Variants in FGF14 observed in about 807,000 individuals in gnomAD.
FGF14 encodes fibroblast growth factor homologous factor 4.
A neutral mutation model predicts 25.5 loss-of-function variants in FGF14; 5 were observed. That is an observed-to-expected ratio of 0.20 (90% confidence interval 0.10 to 0.41). The LOEUF (loss-of-function observed/expected upper bound fraction) is 0.41, where lower values mean the gene tolerates loss of function less well. FGF14 is among the 10% of genes least tolerant of loss of function. FGF14 has a pLI of 1.00. For synonymous variants in FGF14, 138 were observed against 118.3 expected (o/e 1.17, Z -1.08); for missense variants, 222 against 320.1 (o/e 0.69, Z 2.34).
chr13:102,121,640 C>A (rs1198604655), intron 1 of FGF14, among the ~76,000 whole-genome samples: 1 of 152,160 alleles, frequency 6.6e-6, no homozygotes, highest in Non-Finnish European at 1.5e-5. Context: ...AATTTATACA[C>A]CCTTGTATTT....
At chr13:102,148,046 A>G (rs2046925840) in intron 1 of FGF14, among the ~76,000 whole-genome samples, 1 of 152,166 alleles carries the variant, frequency 6.6e-6, no homozygotes, top group African/African-American at 2.4e-5. Flanking sequence ...AATAAATCTG[A>G]ATTAAAATGT....
chr13:101,884,233 C>T (rs954021722), intron 1 of FGF14, among the ~76,000 whole-genome samples: 1 of 151,980 alleles, frequency 6.6e-6, no homozygotes, highest in African/African-American at 2.4e-5. Flanking sequence ...GTGGACATCC[C>T]AGTGTTCTCA....
At chr13:101,775,269 C>T (rs1411569819) in intron 3 of FGF14, among the ~76,000 whole-genome samples, 1 of 152,118 alleles carries the variant, frequency 6.6e-6, no homozygotes, top group African/African-American at 2.4e-5. Context: ...CATTTTGGCA[C>T]TTCTGTGAAC....
chr13:101,841,887 T>G (rs561125643), intron 3 of FGF14, among the ~76,000 whole-genome samples: 123 of 152,016 alleles, frequency 8.1e-4, no homozygotes, highest in African/African-American at 2.7e-3. Context: ...TCTATAGCAG[T>G]CCCCAGGAGC....
chr13:102,054,284 C>T (rs1298380037), intron 1 of FGF14, among the ~76,000 whole-genome samples: 3 of 152,170 alleles, frequency 2.0e-5, no homozygotes, highest in Middle Eastern at 3.4e-3. Flanking sequence ...ACAAAGAGTG[C>T]TTTTAAAAAA....
At chr13:101,945,179 G>GT (rs1359447145) in intron 1 of FGF14, among the ~76,000 whole-genome samples, 4 of 152,098 alleles carry the variant, frequency 2.6e-5, no homozygotes, top group Non-Finnish European at 5.9e-5. Flanking sequence ...TTATCTGGGT[G>GT]TGGTGGCGCA....
At chr13:101,751,993 T>C (rs541032052) in intron 3 of FGF14, among the ~76,000 whole-genome samples, 2 of 152,180 alleles carry the variant, frequency 1.3e-5, no homozygotes, top group African/African-American at 2.4e-5. Context: ...AATATGAGAT[T>C]TGCAGAGACT....
chr13:102,015,739 A>G (rs1229475582), intron 1 of FGF14, among the ~76,000 whole-genome samples: 1 of 152,106 alleles, frequency 6.6e-6, no homozygotes, highest in African/African-American at 2.4e-5. Context: ...TTTTCCAAAG[A>G]TCCTAAAGCA....
chr13:102,348,948 C>G (rs1206842636), intron 1 of FGF14, among the ~76,000 whole-genome samples: 1 of 152,146 alleles, frequency 6.6e-6, no homozygotes, highest in Non-Finnish European at 1.5e-5. Flanking sequence ...ATTTCTATCC[C>G]AGTGCTGCCC....
chr13:101,947,161 T>TTATTAA (rs1455227692), intron 1 of FGF14, among the ~76,000 whole-genome samples: 1 of 152,282 alleles, frequency 6.6e-6, no homozygotes, highest in African/African-American at 2.4e-5. Context: ...GTCAGAACTA[T>TTATTAA]TATTAAAAAG....
chr13:102,048,406 C>T (rs1163030681), intron 1 of FGF14, among the ~76,000 whole-genome samples: 3 of 152,164 alleles, frequency 2.0e-5, no homozygotes, highest in Non-Finnish European at 4.4e-5. Context: ...TATACGGTAA[C>T]TATCATTTTT....
intron 1 of FGF14, among the ~76,000 whole-genome samples, chr13:101,966,827 C>T (rs189284901): frequency 9.5e-4 from 145 of 152,154 alleles, no homozygotes; most frequent in African/African-American, 3.2e-3. Flanking sequence ...TTCTTAGGGA[C>T]GACCTAGAAA....
chr13:102,202,000 G>A (rs1267102882), intron 1 of FGF14, among the ~76,000 whole-genome samples: 1 of 152,098 alleles, frequency 6.6e-6, no homozygotes, highest in East Asian at 1.9e-4. Flanking sequence ...TGTGTAGTGA[G>A]TGAGCTCCCA....
At chr13:101,726,265 TATC>T (rs780628644) in intron 4 of FGF14, among the ~76,000 whole-genome samples, 8 of 152,082 alleles carry the variant, frequency 5.3e-5, no homozygotes, top group South Asian at 4.1e-4. Flanking sequence ...CTAATATACT[TATC>T]ATCGCAGATT....
chr13:102,344,936 G>A (rs936414926), intron 1 of FGF14, among the ~76,000 whole-genome samples: 3 of 152,208 alleles, frequency 2.0e-5, no homozygotes, highest in Non-Finnish European at 4.4e-5. Context: ...GGGAAACCAC[G>A]CTGTTGAAGC....
intron 1 of FGF14, among the ~76,000 whole-genome samples, chr13:101,937,321 T>C (rs1234945726): frequency 6.6e-6 from 1 of 152,176 alleles, no homozygotes; most frequent in East Asian, 1.9e-4. Flanking sequence ...TACCTCAGAA[T>C]GTGACTGCAT....
chr13:102,338,241 A>T (rs925222106), intron 1 of FGF14, among the ~76,000 whole-genome samples: 23 of 152,178 alleles, frequency 1.5e-4, no homozygotes, highest in Admixed American at 9.2e-4. Flanking sequence ...AGGAATGTTG[A>T]GAAATATTAG....
chr13:101,818,956 G>A (rs1195220854), intron 3 of FGF14, among the ~76,000 whole-genome samples: 2 of 151,984 alleles, frequency 1.3e-5, no homozygotes, highest in African/African-American at 2.4e-5. Context: ...TATTTCTTCT[G>A]TTCCCTTATT....
At chr13:101,983,316 G>C (rs1340284507) in intron 1 of FGF14, among the ~76,000 whole-genome samples, 1 of 152,036 alleles carries the variant, frequency 6.6e-6, no homozygotes, top group Non-Finnish European at 1.5e-5. Context: ...TTATAAAGGG[G>C]TCCAATAAAT....
Sources: allele counts gnomAD v4.1 joint callset (sites outside exome capture counted in the v4.1 genomes callset), GRCh38; gene constraint gnomAD v4.1.1; transcripts MANE v1.5; gene names NCBI Gene and HGNC (gene_info 2026-07-23, HGNC 2026-07-21).